Variants in MOB1B observed in about 807,000 individuals in gnomAD.
MOB1B encodes the protein MOB kinase activator 1B.
A neutral mutation model predicts 24.4 loss-of-function variants in MOB1B; 19 were observed. The observed-to-expected ratio is 0.78, with a 90% CI of 0.54 to 1.14. The LOEUF is 1.14. MOB1B is among the 50% of genes most tolerant of loss of function. MOB1B has a pLI of 0.00. For missense variants in MOB1B, 243 were observed against 259.6 expected (o/e 0.94, Z 0.44); for synonymous variants, 76 against 82.1 (o/e 0.93, Z 0.40).
intron 3 of MOB1B, among the ~76,000 whole-genome samples, chr4:70,972,535 T>G (rs534400559): frequency 1.0e-3 from 154 of 152,128 alleles, no homozygotes; most frequent in Non-Finnish European, 1.5e-3. Flanking sequence ...ATTTTTATTA[T>G]TATTAAAAAA....
chr4:70,956,274 A>T (rs1284272737), intron 1 of MOB1B, among the ~76,000 whole-genome samples: 3 of 151,784 alleles, frequency 2.0e-5, no homozygotes, highest in Non-Finnish European at 4.4e-5. Context: ...TTAGCTCCTG[A>T]TTCTCTGGTT....
rs778746877 is a variant in MOB1B, at chr4:70,960,951, A to C, written c.181+1911A>C. ...TCTGTCTGTATTCTGTCTCTTTCTC[A>C]GTTGCCACAACTGAGTGTCTGTACC... On this transcript the variant is annotated intron_variant, in intron 2 of 5. Coordinates refer to ENST00000309395, the MANE Select transcript of MOB1B (RefSeq NM_173468.4). Among the ~76,000 whole-genome samples, 160 of 152,276 alleles carry C rather than the reference A, an allele frequency of 1.1e-3. 1 individual carries two copies. The highest frequency in any genetic ancestry group is 7.9e-4 in the Non-Finnish European group (54 of 68,020).
chr4:70,952,642 CAAA>C (rs541028817), intron 1 of MOB1B, among the ~76,000 whole-genome samples: 3 of 54,004 alleles, frequency 5.6e-5, no homozygotes, highest in Non-Finnish European at 1.4e-4. Flanking sequence ...GACGCCGTCT[CAAA>C]AAAAAAAAAA....
rs1464562734 is a variant in MOB1B at position 70,987,924 on chromosome 4, CTG to C, written c.*5870_*5871del. The C allele has an allele frequency of 1.3e-5, 2 of 152,594 alleles. No homozygotes were observed. The highest frequency in any genetic ancestry group is 2.4e-5 in the African/African-American group (1 of 41,442). The allele number at this position is 152,594 out of a possible 1,614,324, so 9.5% of individuals were successfully genotyped here. ...TCCAACATAGGCGCTATATTACAAA[CTG>C]TGCCGGATTATGCAAATTGTAGTTG... On this transcript the variant is annotated 3_prime_UTR_variant, in exon 6 of 6. Transcript: ENST00000309395.
At chr4:70,902,588 G>T (rs1735556297) in intron 1 of MOB1B, 38 bp downstream of exon 1, 2 of 1,535,728 alleles carry the variant, frequency 1.3e-6, no homozygotes, top group Admixed American at 2.0e-5. Flanking sequence ...GCTTTGTTCG[G>T]GTGGACCTGG....
intron 1 of MOB1B, among the ~76,000 whole-genome samples, chr4:70,920,200 T>A (rs116474618): frequency 5.3e-4 from 80 of 152,226 alleles, no homozygotes; most frequent in African/African-American, 1.8e-3. Flanking sequence ...AAATATTTGA[T>A]TTAAGCTCCT....
At chr4:70,979,809 G>A (rs1287867329) in intron 5 of MOB1B, among the ~76,000 whole-genome samples, 1 of 152,124 alleles carries the variant, frequency 6.6e-6, no homozygotes, top group Non-Finnish European at 1.5e-5. Context: ...GTGCCAGAGG[G>A]CCATTAGTCT....
At chr4:70,961,552 G>C (rs1560657961) in intron 2 of MOB1B, among the ~76,000 whole-genome samples, 1 of 152,152 alleles carries the variant, frequency 6.6e-6, no homozygotes, top group South Asian at 2.1e-4. Context: ...CTACTGAAAC[G>C]CCTAGAACTT....
chr4:70,965,005 A>G (rs1738455451), intron 2 of MOB1B, among the ~76,000 whole-genome samples: 1 of 151,888 alleles, frequency 6.6e-6, no homozygotes, highest in Non-Finnish European at 1.5e-5. Flanking sequence ...AACATACAAT[A>G]AAGGGAATTG....
chr4:70,973,756 T>C (rs1738865308), intron 3 of MOB1B, among the ~76,000 whole-genome samples: 1 of 152,230 alleles, frequency 6.6e-6, no homozygotes, highest in Non-Finnish European at 1.5e-5. Flanking sequence ...CAAAGTGGAC[T>C]TCATCCTTAT....
chr4:70,972,989 T>G (rs374720896), intron 3 of MOB1B, among the ~76,000 whole-genome samples: 3,325 of 151,864 alleles, frequency 0.022, 129 homozygotes, highest in African/African-American at 0.076. Context: ...TAGCCAGGAT[T>G]GTCTTGATCT....
chr4:70,968,759 G>T (rs780450568), intron 2 of MOB1B, among the ~76,000 whole-genome samples: 1 of 152,038 alleles, frequency 6.6e-6, no homozygotes, highest in Non-Finnish European at 1.5e-5. Context: ...GGCTTGGACT[G>T]CAGGAGAGCA....
intron 1 of MOB1B, among the ~76,000 whole-genome samples, chr4:70,921,359 A>G (rs192877908): frequency 1.1e-4 from 17 of 152,296 alleles, no homozygotes; most frequent in African/African-American, 3.4e-4. Context: ...ATGTGAAGCA[A>G]TGCAGGCATG....
chr4:70,945,518 CTATCATGA>C (rs965183447), intron 1 of MOB1B, among the ~76,000 whole-genome samples: 2 of 152,184 alleles, frequency 1.3e-5, no homozygotes, highest in African/African-American at 4.8e-5. Flanking sequence ...CTACTTGAAC[CTATCATGA>C]TTAGGCCTAT....
intron 1 of MOB1B, among the ~76,000 whole-genome samples, chr4:70,945,854 G>A (rs1737551257): frequency 6.6e-6 from 1 of 152,012 alleles, no homozygotes; most frequent in African/African-American, 2.4e-5. Flanking sequence ...GGGATGACTA[G>A]ACATTATTTG....
At chr4:70,936,002 C>T (rs1406712758) in intron 1 of MOB1B, among the ~76,000 whole-genome samples, 1 of 151,928 alleles carries the variant, frequency 6.6e-6, no homozygotes, top group African/African-American at 2.4e-5. Context: ...CAGGCGCCCA[C>T]CACTACGCCC....
intron 1 of MOB1B, among the ~76,000 whole-genome samples, chr4:70,906,151 G>A (rs1410229837): frequency 6.6e-6 from 1 of 152,102 alleles, no homozygotes; most frequent in Non-Finnish European, 1.5e-5. Context: ...GCCGAGGTGG[G>A]TGGATCACTT....
chr4:70,947,721 A>G (rs1489917619), intron 1 of MOB1B, among the ~76,000 whole-genome samples: 2 of 152,020 alleles, frequency 1.3e-5, no homozygotes, highest in Non-Finnish European at 2.9e-5. Context: ...CAACACCCCT[A>G]GGCTCCTGCC....
At chr4:70,952,565 C>T (rs905024939) in intron 1 of MOB1B, among the ~76,000 whole-genome samples, 5 of 150,474 alleles carry the variant, frequency 3.3e-5, no homozygotes, top group African/African-American at 4.9e-5. Context: ...ATGGTGTGAA[C>T]CCAGGAGGCG....
Sources: allele counts gnomAD v4.1 joint callset (sites outside exome capture counted in the v4.1 genomes callset), GRCh38; gene constraint gnomAD v4.1.1; transcripts MANE v1.5; gene names NCBI Gene and HGNC (gene_info 2026-07-23, HGNC 2026-07-21).